The following STK10 variants were observed in gnomAD, a reference collection of about 807,000 sequenced individuals.
STK10 encodes the protein serine/threonine-protein kinase 10.
In STK10, 78 loss-of-function variants were observed where a neutral mutation model predicts 113.8. That is an observed-to-expected ratio of 0.69 (90% CI 0.57 to 0.83). STK10 has a LOEUF of 0.83. STK10 is among the 40% of genes least tolerant of loss of function. STK10 has a pLI of 0.00. For missense variants in STK10, 1,109 were observed against 1,280.1 expected (o/e 0.87, Z 2.04); for synonymous variants, 465 against 494.7 (o/e 0.94, Z 0.80).
At chr5:172,158,564 T>G in intron 1 of STK10, among the ~76,000 whole-genome samples, 1 of 151,800 alleles carries the variant, frequency 6.6e-6, no homozygotes, top group African/African-American at 2.4e-5. Flanking sequence ...GAGGCAGGGG[T>G]TGCAGTGAGC....
At position 172,115,566 on chromosome 5, in the gene STK10, T is replaced by A. The variant is rs73802356; in HGVS notation, c.520+1915A>T. The stretch of plus-strand genomic sequence containing the variant: ...CCAATTTGGCTCCATGATGTACACA[T>A]TTTCCTGTCTGCCTTAACTCTTAGG... On this transcript the variant is annotated intron_variant, in intron 4 of 18. Coordinates refer to ENST00000176763, the MANE Select transcript of STK10 (RefSeq NM_005990.4). 2.5e-3 allele frequency among the ~76,000 whole-genome samples: 381 copies of A among 152,276 alleles called. 1 individual carries two copies. Among genetic ancestry groups the A allele is most frequent in the African/African-American group, 8.8e-3 (365 of 41,554 alleles).
intron 3 of STK10, among the ~76,000 whole-genome samples, chr5:172,126,612 G>T (rs1246605092): frequency 6.6e-6 from 1 of 152,152 alleles, no homozygotes; most frequent in Non-Finnish European, 1.5e-5. Context: ...CTGAGGATTA[G>T]AGGAGGACCG....
chr5:172,139,144 C>A (rs1034801388), intron 2 of STK10, among the ~76,000 whole-genome samples: 9 of 152,166 alleles, frequency 5.9e-5, no homozygotes, highest in African/African-American at 2.2e-4. Context: ...TCATTGTAAT[C>A]CCTGTCAAAT....
At chr5:172,088,730 G>T (rs889476128) in intron 10 of STK10, among the ~76,000 whole-genome samples, 1 of 152,044 alleles carries the variant, frequency 6.6e-6, no homozygotes, top group African/African-American at 2.4e-5. Context: ...AAACCTGAAG[G>T]AATTCTCACA....
Position 172,052,942 on chromosome 5 carries a change from C to T in STK10, c.2753G>A (p.Arg918Gln), listed in dbSNP as rs753084325. 38 of 1,614,030 alleles carry T rather than the reference C, an allele frequency of 2.4e-5. No homozygotes were observed. Among genetic ancestry groups the T allele is most frequent in the East Asian group, 2.2e-4 (10 of 44,882 alleles). The change falls in exon 18 of 19, where the codon CGG (arginine) becomes CAG (glutamine). Residue 918 changes from arginine (R) to glutamine (Q), a missense_variant. Physicochemically the swap from Arg to Gln is conservative, Grantham distance 43 (BLOSUM62 1). This residue lies in a region of STK10 where 885 missense variants were observed against 991.1 expected (regional missense o/e 0.89). Transcript: ENST00000176763. The part of the protein sequence containing the change: ...QNLKEWRDKL[R>Q]PRKKALEEDL... The stretch of plus-strand genomic sequence containing the variant: ...GGATAAAGTTACCTTCTTGCGCGGC[C>T]GAAGCTTGTCCCGCCATTCCTTCAG...
At chr5:172,095,705 G>C (rs899615459) in intron 8 of STK10, among the ~76,000 whole-genome samples, 1 of 152,224 alleles carries the variant, frequency 6.6e-6, no homozygotes, top group Admixed American at 6.5e-5. Context: ...TGAGGAAGCT[G>C]CAGTGCCGTC....
intron 2 of STK10, among the ~76,000 whole-genome samples, chr5:172,140,347 T>C (rs1769948665): frequency 6.6e-6 from 1 of 152,170 alleles, no homozygotes. Context: ...TTGGTGGGTA[T>C]ACAAAACGGT....
intron 7 of STK10, among the ~76,000 whole-genome samples, chr5:172,102,512 G>A (rs1440023511): frequency 6.6e-6 from 1 of 152,172 alleles, no homozygotes; most frequent in Non-Finnish European, 1.5e-5. Context: ...GGAGATGGAG[G>A]GAGGGCCCTG....
chr5:172,136,091 T>C (rs1280842550), intron 2 of STK10, among the ~76,000 whole-genome samples: 3 of 151,530 alleles, frequency 2.0e-5, no homozygotes, highest in Non-Finnish European at 4.4e-5. Flanking sequence ...AAACCTCAAA[T>C]TACTACAATC....
Position 172,151,052 on chromosome 5 carries a change from G to A in STK10, c.321+5572C>T, listed in dbSNP as rs1314266222. Among the ~76,000 whole-genome samples, 5 of 152,226 alleles carry A rather than the reference G, an allele frequency of 3.3e-5. No individual in the cohort carries two copies. In the East Asian group the frequency reaches 5.8e-4, roughly 18 times the overall value. On this transcript the variant is annotated intron_variant, in intron 2 of 18. Transcript: ENST00000176763. ...CAGATTTCACACCAGGCCCCGTGCC[G>A]GGGACCAAAGAGAACAGAAAGTGAA... is the stretch of plus-strand genomic sequence containing the variant.
intron 18 of STK10, among the ~76,000 whole-genome samples, chr5:172,046,251 T>C (rs1456009935): frequency 2.0e-5 from 3 of 150,884 alleles, no homozygotes; most frequent in Non-Finnish European, 1.5e-5. Flanking sequence ...TCCCAGCTAC[T>C]TGGGAGGCTG....
intron 2 of STK10, among the ~76,000 whole-genome samples, chr5:172,151,014 T>C (rs1770217331): frequency 6.6e-6 from 1 of 152,158 alleles, no homozygotes; most frequent in Admixed American, 6.5e-5. Flanking sequence ...CCCCAGTGCA[T>C]ATCTACCATG....
At chr5:172,170,116 T>C (rs1239072269) in intron 1 of STK10, among the ~76,000 whole-genome samples, 1 of 145,422 alleles carries the variant, frequency 6.9e-6, no homozygotes, top group African/African-American at 2.8e-5. Flanking sequence ...ACACTCAGTA[T>C]GTATCCTTTT....
intron 4 of STK10, among the ~76,000 whole-genome samples, chr5:172,110,868 T>C (rs755538616): frequency 6.6e-6 from 1 of 152,178 alleles, no homozygotes; most frequent in South Asian, 2.1e-4. Flanking sequence ...CACCGGCCCA[T>C]GAGCCAGTCC....
intron 10 of STK10, among the ~76,000 whole-genome samples, chr5:172,087,944 GA>G (rs1768608992): frequency 1.3e-5 from 2 of 151,698 alleles, no homozygotes; most frequent in African/African-American, 4.8e-5. Context: ...TTATTTTTGA[GA>G]GATAGAGTCT....
At chr5:172,177,604 C>T (rs1770781240) in intron 1 of STK10, among the ~76,000 whole-genome samples, 1 of 152,222 alleles carries the variant, frequency 6.6e-6, no homozygotes, top group Non-Finnish European at 1.5e-5. Context: ...GCAACACCCA[C>T]CAATTTCAAA....
At chr5:172,114,324 T>TG in intron 4 of STK10, among the ~76,000 whole-genome samples, 1 of 127,236 alleles carries the variant, frequency 7.9e-6, no homozygotes, top group African/African-American at 3.0e-5. Flanking sequence ...GTATGTGTGT[T>TG]TTCTGATTAC....
At chr5:172,110,828 G>A (rs1306193527) in intron 4 of STK10, among the ~76,000 whole-genome samples, 3 of 152,168 alleles carry the variant, frequency 2.0e-5, no homozygotes, top group East Asian at 1.9e-4. Context: ...AGGTCCACTC[G>A]TGGCAAAAGC....
intron 10 of STK10, among the ~76,000 whole-genome samples, chr5:172,089,403 T>C (rs1000837784): frequency 6.9e-6 from 1 of 144,944 alleles, no homozygotes; most frequent in Non-Finnish European, 1.5e-5. Context: ...CATGGATGGA[T>C]GGATGGATGG....
Sources: allele counts gnomAD v4.1 joint callset (sites outside exome capture counted in the v4.1 genomes callset), GRCh38; gene constraint gnomAD v4.1.1; regional missense constraint gnomAD v4.1.1; transcripts MANE v1.5; gene names NCBI Gene and HGNC (gene_info 2026-07-23, HGNC 2026-07-21).